MARCHF3: variants seen among roughly 807,000 people sequenced by gnomAD.
The protein encoded by MARCHF3 is E3 ubiquitin-protein ligase MARCHF3.
A neutral mutation model predicts 24.2 loss-of-function variants in MARCHF3; 13 were observed. That is an observed-to-expected ratio of 0.54 (90% CI 0.35 to 0.85). The LOEUF (loss-of-function observed/expected upper bound fraction) is 0.85. Ranked by LOEUF, MARCHF3 falls within the 40% of genes least tolerant of loss-of-function variation. The pLI is 0.01. For synonymous variants in MARCHF3, 144 were observed against 137.3 expected, an observed-to-expected ratio of 1.05 and a Z score of -0.34; for missense variants, 276 against 325.0, an observed-to-expected ratio of 0.85 and a Z score of 1.16.
chr5:126,995,430 C>T (rs1465234748), intron 1 of MARCHF3, among the ~76,000 whole-genome samples: 1 of 152,188 alleles, frequency 6.6e-6, no homozygotes, highest in African/African-American at 2.4e-5. Context: ...GGTGCCACTG[C>T]TTTCATAATC....
At chr5:126,890,739 A>T (rs1454660153) in intron 3 of MARCHF3, among the ~76,000 whole-genome samples, 1 of 151,168 alleles carries the variant, frequency 6.6e-6, no homozygotes, top group Non-Finnish European at 1.5e-5. Context: ...ATAATGCCGC[A>T]ATAAACATAC....
At chr5:127,021,234 T>C (rs1752795348) in intron 1 of MARCHF3, among the ~76,000 whole-genome samples, 1 of 151,966 alleles carries the variant, frequency 6.6e-6, no homozygotes, top group Non-Finnish European at 1.5e-5. Context: ...AGGAAAGGGA[T>C]GGAGTAGGAT....
intron 1 of MARCHF3, among the ~76,000 whole-genome samples, chr5:127,022,209 C>T (rs144965211): frequency 6.6e-6 from 1 of 152,270 alleles, no homozygotes; most frequent in East Asian, 1.9e-4. Flanking sequence ...ACTGTGTAGG[C>T]TGTCAGAGCA....
In MARCHF3 at chr5:126,987,161, G is replaced by T. The variant is rs545541957; in HGVS notation, c.-57+43189C>A. On this transcript the variant is annotated intron_variant, in intron 1 of 4. Coordinates refer to ENST00000308660, the MANE Select transcript of MARCHF3 (RefSeq NM_178450.5). ...AAACTGAGCTTTCTTGGAGAAGAAG[G>T]AATTCTGCCTCAAGATTGTAACATA... Among the ~76,000 whole-genome samples, 11 of 152,316 alleles carry T rather than the reference G, an allele frequency of 7.2e-5. No individual in the cohort carries two copies. In the South Asian group the frequency reaches 2.3e-3, roughly 32 times the overall value.
intron 1 of MARCHF3, among the ~76,000 whole-genome samples, chr5:126,983,311 C>A (rs533968305): frequency 2.0e-5 from 3 of 152,218 alleles, no homozygotes; most frequent in African/African-American, 4.8e-5. Flanking sequence ...GGTGGGCAGG[C>A]GATCTGGTGG....
chr5:126,984,068 GT>G (rs1329898671), intron 1 of MARCHF3, among the ~76,000 whole-genome samples: 1 of 152,068 alleles, frequency 6.6e-6, no homozygotes, highest in Non-Finnish European at 1.5e-5. Flanking sequence ...CAATGCTAAT[GT>G]GGGATCTCGC....
intron 3 of MARCHF3, among the ~76,000 whole-genome samples, chr5:126,892,898 A>G (rs1164575700): frequency 1.5e-4 from 22 of 151,608 alleles, no homozygotes; most frequent in Non-Finnish European, 5.9e-5. Context: ...GGTAGAATTC[A>G]GCTGTGAATC....
chr5:126,876,589 T>C (rs1446728701), intron 4 of MARCHF3, among the ~76,000 whole-genome samples: 1 of 152,082 alleles, frequency 6.6e-6, no homozygotes, highest in Non-Finnish European at 1.5e-5. Context: ...CCCATCACAA[T>C]GGAAGCTACT....
rs1752906006 is a variant in MARCHF3 at position 126,869,850 on chromosome 5, C to T, written c.*783G>A. ...ATCATTAAAAAAAGAGTATTGCAAT[C>T]AGTGGGTTTTGTCTTTCACACACTG... On this transcript the variant is annotated 3_prime_UTR_variant, in exon 5 of 5. Coordinates refer to ENST00000308660, the MANE Select transcript of MARCHF3 (RefSeq NM_178450.5). 1 of 152,234 alleles carries T rather than the reference C, an allele frequency of 6.6e-6. No homozygotes were observed. Among genetic ancestry groups the T allele is most frequent in the Non-Finnish European group, 1.5e-5 (1 of 67,960 alleles). The allele number at this position is 152,234 out of a possible 1,614,324, so 9.4% of individuals were successfully genotyped here. A position where few individuals can be genotyped will look rare whatever the true frequency, so the allele number is the denominator to read the frequency against.
chr5:126,979,313 T>C (rs1291535780), intron 1 of MARCHF3, among the ~76,000 whole-genome samples: 1 of 152,238 alleles, frequency 6.6e-6, no homozygotes, highest in East Asian at 1.9e-4. Flanking sequence ...ATCTGGTACT[T>C]AACAAATAAT....
chr5:126,980,762 C>T (rs1215746821), intron 1 of MARCHF3, among the ~76,000 whole-genome samples: 1 of 152,204 alleles, frequency 6.6e-6, no homozygotes, highest in African/African-American at 2.4e-5. Flanking sequence ...TTAGTTTCAT[C>T]TGGGGAACAT....
At chr5:126,985,471 ATTTT>A (rs1206777153) in intron 1 of MARCHF3, among the ~76,000 whole-genome samples, 1 of 118,956 alleles carries the variant, frequency 8.4e-6, no homozygotes. Context: ...ATGAACTTTT[ATTTT>A]TTTTTTTTTT....
intron 1 of MARCHF3, among the ~76,000 whole-genome samples, chr5:126,977,281 C>G (rs897379108): frequency 1.1e-4 from 16 of 152,232 alleles, no homozygotes; most frequent in Admixed American, 3.9e-4. Context: ...ATTGACTCCC[C>G]TCTTTGCCTT....
chr5:126,908,843 G>T (rs1353126551), intron 3 of MARCHF3, among the ~76,000 whole-genome samples: 3 of 152,192 alleles, frequency 2.0e-5, no homozygotes, highest in African/African-American at 7.2e-5. Context: ...TCTCCATCCA[G>T]CTTTGTTCTG....
At chr5:126,906,558 G>T (rs1754304992) in intron 3 of MARCHF3, among the ~76,000 whole-genome samples, 1 of 152,220 alleles carries the variant, frequency 6.6e-6, no homozygotes, top group Admixed American at 6.5e-5. Context: ...GAGTGTATGT[G>T]TCCAGGAATT....
chr5:126,943,992 T>C (rs886181198), intron 1 of MARCHF3, among the ~76,000 whole-genome samples: 2 of 151,954 alleles, frequency 1.3e-5, no homozygotes, highest in Admixed American at 6.6e-5. Context: ...TTTGTATTTT[T>C]AATAGAGACA....
intron 2 of MARCHF3, 100 bp downstream of exon 2, chr5:126,917,884 C>CA: frequency 8.2e-7 from 1 of 1,225,154 alleles, no homozygotes; most frequent in Non-Finnish European, 1.1e-6. Context: ...TCACCTGACA[C>CA]AAAGACCTGA....
intron 1 of MARCHF3, among the ~76,000 whole-genome samples, chr5:127,023,773 TAAATAA>T (rs1011424500): frequency 6.0e-5 from 7 of 116,936 alleles, no homozygotes; most frequent in South Asian, 5.5e-4. Context: ...AATAAATAAA[TAAATAA>T]AAATAAAAAA....
At chr5:126,973,176 C>T (rs116166211) in intron 1 of MARCHF3, among the ~76,000 whole-genome samples, 1,670 of 152,258 alleles carry the variant, frequency 0.011, 27 homozygotes, top group African/African-American at 0.038. Context: ...TGTTTCCTAC[C>T]AGGACAACAG....
Sources: gnomAD v4.1 joint callset for allele counts (sites outside exome capture counted in the v4.1 genomes callset) on GRCh38, gnomAD v4.1.1 for gene constraint, MANE v1.5 for transcripts, NCBI Gene and HGNC (gene_info 2026-07-23, HGNC 2026-07-21) for gene names.